MIDN: variants seen among roughly 807,000 people sequenced by gnomAD.
MIDN encodes midnolin, also known as midbrain nucleolar protein.
A neutral mutation model predicts 46.1 loss-of-function variants in MIDN; 26 were observed. The ratio of observed to expected loss-of-function variants is 0.56; its 90% CI spans 0.41 to 0.78. The LOEUF (loss-of-function observed/expected upper bound fraction) is 0.78. Ranked by LOEUF, MIDN falls within the 30% of genes least tolerant of loss-of-function variation. MIDN has a pLI of 0.00. For synonymous variants in MIDN, 432 were observed against 343.3 expected (o/e 1.26, Z -2.86); for missense variants, 850 against 771.8 (o/e 1.10, Z -1.20).
intron 8 of MIDN, 109 bp downstream of exon 8, chr19:1,255,803 G>T (rs939776473): frequency 1.2e-5 from 13 of 1,100,984 alleles, no homozygotes; most frequent in Admixed American, 2.9e-5. Context: ...CAGGGGCTGG[G>T]GGGGATGGCA....
chr19:1,254,054 G>T lies in MIDN; in HGVS notation c.485G>T (p.Ser162Ile). 1.4e-6 allele frequency: 2 copies of T among 1,460,990 alleles called. No individual in the cohort carries two copies. The highest frequency in any genetic ancestry group is 2.6e-5 in the South Asian group (2 of 76,728). The allele number at this position is 1,460,990 out of a possible 1,614,324, so 90.5% of individuals were successfully genotyped here. ...KRPWHRQGPQ[S>I]PERGGERPQV... ...CCGTGGCACCGACAGGGACCCCAGAGCCCAGAGAGGGGCGGCGAGAGGCCC... is the reference window on the plus strand; with the variant it reads ...CCGTGGCACCGACAGGGACCCCAGATCCCAGAGAGGGGCGGCGAGAGGCCC... The change falls in exon 5 of 9, where the codon AGC becomes ATC. Residue 162 changes from serine to isoleucine, a missense_variant. Ser to Ile is a moderately radical substitution (Grantham distance 142, BLOSUM62 -2). Transcript: ENST00000682408.
chr19:1,255,717 C>A, intron 8 of MIDN, 23 bp downstream of exon 8: 1 of 1,526,320 alleles, frequency 6.6e-7, no homozygotes, highest in East Asian at 2.3e-5. Flanking sequence ...CCTCGGGGGT[C>A]CTACCTTCCC....
chr19:1,257,602 T>C lies in MIDN; in HGVS notation c.*330T>C, dbSNP rs1433139222. On this transcript the variant is annotated 3_prime_UTR_variant, in exon 9 of 9. Coordinates refer to ENST00000682408, the MANE Select transcript of MIDN (RefSeq NM_001388306.1). Reference sequence around the variant, plus strand: ...CTGCCAACCTTCCCCAGCTCCAATATGTAGCAGTCTCTCTGGATGGCGGAG... The same window carrying C: ...CTGCCAACCTTCCCCAGCTCCAATACGTAGCAGTCTCTCTGGATGGCGGAG... The C allele has an allele frequency of 2.7e-5, 8 of 292,816 alleles. No individual in the cohort carries two copies. Among genetic ancestry groups the C allele is most frequent in the Non-Finnish European group, 3.2e-5 (5 of 156,866 alleles). The allele number at this position is 292,816 out of a possible 1,614,324, so 18.1% of individuals were successfully genotyped here.
intron 8 of MIDN, among the ~76,000 whole-genome samples, chr19:1,256,173 C>A (rs917624216): frequency 2.6e-5 from 4 of 152,266 alleles, no homozygotes; most frequent in Admixed American, 2.6e-4. Context: ...GCGGGGGCTC[C>A]TCCCAGCTCA....
chr19:1,248,846 C>G (rs532333751), intron 1 of MIDN, among the ~76,000 whole-genome samples, 186 bp downstream of exon 1: 1 of 152,108 alleles, frequency 6.6e-6, no homozygotes, highest in Non-Finnish European at 1.5e-5. Flanking sequence ...CGGACCTCAG[C>G]CCCCGCCCCG....
intron 6 of MIDN, 104 bp downstream of exon 6, chr19:1,254,582 C>T (rs937051829): frequency 5.5e-6 from 7 of 1,266,022 alleles, no homozygotes; most frequent in South Asian, 1.3e-5. Context: ...CAGGTGAGTC[C>T]CTTGTATTAA....
chr19:1,255,548 C>G lies in MIDN; in HGVS notation c.1112C>G (p.Ala371Gly), dbSNP rs775287482. 2 of 1,611,886 alleles carry G rather than the reference C, an allele frequency of 1.2e-6. No homozygotes were observed. The highest frequency in any genetic ancestry group is 2.2e-5 in the South Asian group (2 of 90,996). The change falls in exon 8 of 9, where the codon GCC becomes GGC. Residue 371 changes from alanine to glycine, a missense_variant. Physicochemically the swap from Ala to Gly is moderately conservative, Grantham distance 60. Coordinates refer to ENST00000682408, the MANE Select transcript of MIDN (RefSeq NM_001388306.1). The stretch of plus-strand genomic sequence containing the variant: ...TACCAGGGCATGCCCCCTTCGCTGG[C>G]CCAGCTCCGCTGCCACGCCCAGTGC... The part of the protein sequence containing the change: ...RHYQGMPPSL[A>G]QLRCHAQCSP...
intron 8 of MIDN, among the ~76,000 whole-genome samples, chr19:1,256,463 C>A (rs1477369417): frequency 1.4e-5 from 2 of 141,718 alleles, no homozygotes; most frequent in African/African-American, 5.3e-5. Context: ...GCCTGGGCGA[C>A]AGAGCGAGAC....
chr19:1,255,693 G>A lies in MIDN; in HGVS notation c.1257G>A (p.Pro419=), dbSNP rs61744742. 1,168 of 1,569,666 alleles carry A rather than the reference G, an allele frequency of 7.4e-4. 7 individuals carry two copies. The East Asian group carries it at 0.02, about 27-fold the overall frequency. The part of the protein sequence containing the change: ...GQSQIRMCKP[P]GDRLRQTENR... ...GCCAGATCCGCATGTGCAAGCCCCC[G>A]GGTGAGTGGCCACCCTCGGGGGTCC... Residue 419 remains proline (P), a splice_region_variant and synonymous_variant, in exon 8 of 9, where the codon CCG becomes CCA. Transcript: ENST00000682408.
rs138120774 is a variant in MIDN, at chr19:1,255,007, G to A, written c.931G>A (p.Val311Ile). The change falls in exon 7 of 9, where the codon GTC becomes ATC. Residue 311 changes from valine (V) to isoleucine (I), a missense_variant. Physicochemically the swap from Val to Ile is conservative, Grantham distance 29. Coordinates refer to ENST00000682408, the MANE Select transcript of MIDN (RefSeq NM_001388306.1). ...PAPRSRKPGA[V>I]IESFVNHAPG... ...CCCCCGCTCCCGAAAACCCGGCGCC[G>A]TCATCGAGAGCTTTGTGAATCACGC... The A allele has an allele frequency of 2.5e-5, 40 of 1,613,120 alleles. No homozygotes were observed. Among genetic ancestry groups the A allele is most frequent in the East Asian group, 4.5e-5 (2 of 44,884 alleles).
At chr19:1,255,396 G>A (rs772689548) in intron 7 of MIDN, 26 bp from the exon 8 acceptor site, 36 of 1,557,926 alleles carry the variant, frequency 2.3e-5, no homozygotes, top group African/African-American at 4.1e-5. Context: ...CCCGTGCCGG[G>A]CACTCACGGC....
intron 1 of MIDN, among the ~76,000 whole-genome samples, chr19:1,248,890 C>G (rs1382833284): frequency 6.6e-6 from 1 of 151,992 alleles, no homozygotes; most frequent in East Asian, 1.9e-4. Flanking sequence ...CCGCGGGTGA[C>G]CTTGAACTGG....
At chr19:1,250,921 C>A (rs934378444) in intron 2 of MIDN, among the ~76,000 whole-genome samples, 1 of 151,960 alleles carries the variant, frequency 6.6e-6, no homozygotes, top group East Asian at 1.9e-4. Context: ...CTCTCTCCCC[C>A]CCTTTGTTCT....
chr19:1,254,789 C>G (rs1417523009), intron 6 of MIDN, 113 bp from the exon 7 acceptor site: 8 of 1,262,118 alleles, frequency 6.3e-6, no homozygotes, highest in East Asian at 2.3e-5. Flanking sequence ...TCTCTAAACC[C>G]TGTGTTGACA....
chr19:1,255,520 C>G lies in MIDN; in HGVS notation c.1084C>G (p.His362Asp). The change falls in exon 8 of 9, where the codon CAC becomes GAC. Residue 362 changes from histidine to aspartate, a missense_variant. His to Asp is a moderately conservative substitution (Grantham distance 81, BLOSUM62 -1). Transcript: ENST00000682408. ...GAACGACCTCCTGAGCGCCACCCGG[C>G]ACTACCAGGGCATGCCCCCTTCGCT... is the stretch of plus-strand genomic sequence containing the variant. ...ILNDLLSATR[H>D]YQGMPPSLAQ... is the part of the protein sequence containing the mutation. The G allele has an allele frequency of 6.2e-7, 1 of 1,612,008 alleles. No homozygotes were observed. Among genetic ancestry groups the G allele is most frequent in the East Asian group, 2.2e-5 (1 of 44,862 alleles).
rs1474494921 is a variant in MIDN, at chr19:1,257,471, T to A, written c.*199T>A. ...TGACCGTGGTTTCCTGGACTCTTCATGGGCTTTGCTTCCTACCTCCTTCAC... is the reference window on the plus strand; with the variant it reads ...TGACCGTGGTTTCCTGGACTCTTCAAGGGCTTTGCTTCCTACCTCCTTCAC... On this transcript the variant is annotated 3_prime_UTR_variant, in exon 9 of 9. Transcript: ENST00000682408. The A allele has an allele frequency of 1.6e-5, 9 of 546,054 alleles. No homozygotes were observed. The East Asian group carries it at 2.9e-4, about 18-fold the overall frequency. The allele number at this position is 546,054 out of a possible 1,614,324, so 33.8% of individuals were successfully genotyped here.
rs534013746 is a variant in MIDN at position 1,254,031 on chromosome 19, G to A, written c.462G>A (p.Pro154=). Residue 154 remains proline (P), a synonymous_variant, in exon 5 of 9, where the codon CCG becomes CCA. Transcript: ENST00000682408. ...ACAGATTCATTTTATTTAAGCGTCC[G>A]TGGCACCGACAGGGACCCCAGAGCC... ...RKYRFILFKR[P]WHRQGPQSPE... 1.0e-5 allele frequency: 15 copies of A among 1,432,778 alleles called. No homozygotes were observed. Among genetic ancestry groups the A allele is most frequent in the South Asian group, 4.2e-5 (3 of 72,196 alleles). 88.8% of individuals were successfully genotyped at this position (1,432,778 alleles called of 1,614,324 possible). A position where few individuals can be genotyped will look rare whatever the true frequency, so the allele number is the denominator to read the frequency against.
chr19:1,248,591 C>G lies in MIDN; in HGVS notation c.-477C>G, dbSNP rs1482119716. The G allele has an allele frequency of 6.6e-6, 1 of 152,196 alleles. No homozygotes were observed. The highest frequency in any genetic ancestry group is 2.4e-5 in the African/African-American group (1 of 41,458). The allele number at this position is 152,196 out of a possible 1,614,324, so 9.4% of individuals were successfully genotyped here. ...GGCCGCGCGCTTGGCCCAGACCGGC[C>G]CGGCCAGCGCGCATTCGGCCCCGGA... is the stretch of plus-strand genomic sequence containing the variant. On this transcript the variant is annotated 5_prime_UTR_variant, in exon 1 of 9. Coordinates refer to ENST00000682408, the MANE Select transcript of MIDN (RefSeq NM_001388306.1).
At chr19:1,253,482 G>A (rs2081159346) in intron 4 of MIDN, among the ~76,000 whole-genome samples, 1 of 152,276 alleles carries the variant, frequency 6.6e-6, no homozygotes, top group South Asian at 2.1e-4. Flanking sequence ...CAGAGCAGGG[G>A]GCTTGGCGAG....
Sources: allele counts gnomAD v4.1 joint callset (sites outside exome capture counted in the v4.1 genomes callset), GRCh38; gene constraint gnomAD v4.1.1; transcripts MANE v1.5; gene names NCBI Gene and HGNC (gene_info 2026-07-23, HGNC 2026-07-21).